Variants in ADCY1 observed in about 807,000 individuals in gnomAD.
ADCY1 encodes adenylate cyclase type 1.
ADCY1 carries 28 observed loss-of-function variants against 105.4 expected under a neutral mutation model. The ratio of observed to expected loss-of-function variants is 0.27; its 90% confidence interval spans 0.20 to 0.36. The LOEUF is 0.36. ADCY1 is among the 10% of genes least tolerant of loss of function. ADCY1 has a pLI of 1.00. For missense variants in ADCY1, 977 were observed against 1,434.2 expected (o/e 0.68, Z 5.15); for synonymous variants, 655 against 623.8 (o/e 1.05, Z -0.75).
chr7:45,685,410 T>G (rs1784645839), intron 12 of ADCY1, among the ~76,000 whole-genome samples: 1 of 129,908 alleles, frequency 7.7e-6, no homozygotes. Context: ...GGGCTTGGAG[T>G]GAAAGGATGG....
At chr7:45,629,932 A>T (rs779414073) in intron 4 of ADCY1, among the ~76,000 whole-genome samples, 4 of 152,184 alleles carry the variant, frequency 2.6e-5, no homozygotes, top group Admixed American at 2.6e-4. Flanking sequence ...TCAGCACTTG[A>T]TGTGGTCAGT....
chr7:45,587,755 A>G (rs1792775223), intron 1 of ADCY1, among the ~76,000 whole-genome samples: 1 of 152,138 alleles, frequency 6.6e-6, no homozygotes, highest in East Asian at 1.9e-4. Flanking sequence ...TGATTTTCTC[A>G]TGGTTAGACT....
intron 17 of ADCY1, among the ~76,000 whole-genome samples, chr7:45,705,216 C>G (rs1232324445): frequency 6.6e-6 from 1 of 152,150 alleles, no homozygotes; most frequent in East Asian, 1.9e-4. Context: ...CTTTCTAACT[C>G]ATTCTGTAGG....
chr7:45,586,303 T>C (rs1041277758), intron 1 of ADCY1, among the ~76,000 whole-genome samples: 3 of 152,138 alleles, frequency 2.0e-5, no homozygotes, highest in African/African-American at 7.2e-5. Context: ...CGGCTGCTTC[T>C]CCAGGTCCCC....
intron 2 of ADCY1, among the ~76,000 whole-genome samples, chr7:45,609,894 A>G (rs1432351371): frequency 2.0e-5 from 3 of 152,146 alleles, no homozygotes; most frequent in Admixed American, 6.5e-5. Flanking sequence ...GCTAAGGGAG[A>G]AGTAAGAAGA....
In ADCY1 at chr7:45,636,424, A is replaced by G. The variant is rs569423266; in HGVS notation, c.1021-12246A>G. ...AGCTGTACATGTTCAGTATAGATGC[A>G]ACCTTGATAGGCCTAACTACATTCT... On this transcript the variant is annotated intron_variant, in intron 4 of 19. Transcript: ENST00000297323. Among the ~76,000 whole-genome samples, 7 of 152,350 alleles carry G rather than the reference A, an allele frequency of 4.6e-5. No individual in the cohort carries two copies. In the South Asian group the frequency reaches 1.4e-3, roughly 32 times the overall value.
At chr7:45,694,952 A>G (rs1315908494) in intron 14 of ADCY1, among the ~76,000 whole-genome samples, 1 of 152,236 alleles carries the variant, frequency 6.6e-6, no homozygotes, top group African/African-American at 2.4e-5. Flanking sequence ...TTTGCTAATC[A>G]GTACTCAACT....
chr7:45,592,715 G>A (rs1336194161), intron 1 of ADCY1, 44 bp from the exon 2 acceptor site: 2 of 1,612,408 alleles, frequency 1.2e-6, no homozygotes, highest in African/African-American at 1.3e-5. Flanking sequence ...CTTTGTGTGT[G>A]TGGGATGTCA....
In ADCY1 at chr7:45,719,469, A is replaced by G. The variant is rs1339964298; in HGVS notation, c.*5474A>G. ...TTCAGTTGCCACACATTTTGGGGCT[A>G]GACTTCCCTAAACAACATGCCATTG... is the stretch of plus-strand genomic sequence containing the variant. On this transcript the variant is annotated 3_prime_UTR_variant, in exon 20 of 20. Coordinates refer to ENST00000297323, the MANE Select transcript of ADCY1 (RefSeq NM_021116.4). 6.6e-6 allele frequency: 1 copy of G among 152,284 alleles called. No individual in the cohort carries two copies. Among genetic ancestry groups the G allele is most frequent in the South Asian group, 2.1e-4 (1 of 4,836 alleles). The allele number at this position is 152,284 out of a possible 1,614,324, so 9.4% of individuals were successfully genotyped here.
In ADCY1 at chr7:45,703,396, C is replaced by T. The variant is rs1186633024; in HGVS notation, c.2475C>T (p.Asp825=). The change falls in exon 15 of 20, where the codon GAC becomes GAT. Residue 825 remains aspartate, a synonymous_variant. Coordinates refer to ENST00000297323, the MANE Select transcript of ADCY1 (RefSeq NM_021116.4). The surrounding 1 kb of genome is among the most constrained non-coding windows in gnomAD (Gnocchi z 5.9). ...CCCAGGCAGAGGAGGAGCGAGAGGA[C>T]ATGGAGAAGGTGAAGCTGGACAACA... is the stretch of plus-strand genomic sequence containing the variant. The part of the protein sequence containing the change: ...WAAQAEEERE[D]MEKVKLDNRR... 1.1e-5 allele frequency: 18 copies of T among 1,614,068 alleles called. No homozygotes were observed. Among genetic ancestry groups the T allele is most frequent in the Non-Finnish European group, 1.4e-5 (17 of 1,179,982 alleles).
intron 7 of ADCY1, 95 bp downstream of exon 7, chr7:45,660,278 A>T: frequency 1.3e-6 from 2 of 1,512,990 alleles, no homozygotes; most frequent in Non-Finnish European, 1.8e-6. Flanking sequence ...CTCTCCAAGC[A>T]CTGCTTCTCT....
chr7:45,686,539 T>A lies in ADCY1; in HGVS notation c.2328-8T>A, dbSNP rs1398330252. 6.2e-7 allele frequency: 1 copy of A among 1,605,184 alleles called. No individual in the cohort carries two copies. Among genetic ancestry groups the A allele is most frequent in the Non-Finnish European group, 8.5e-7 (1 of 1,174,694 alleles). On this transcript the variant is annotated splice_polypyrimidine_tract_variant and splice_region_variant and intron_variant, in intron 13 of 19. Transcript: ENST00000297323. This position sits in a 1 kb window ranked among gnomAD's most constrained non-coding sequence, Gnocchi z 4.3. ...CTGACTTGGCTTTTCTTCCTCATCT[T>A]CCCCCAGGGGTGGTGCCGTCTCCGG...
chr7:45,582,681 G>T (rs1270427534), intron 1 of ADCY1, among the ~76,000 whole-genome samples: 1 of 152,146 alleles, frequency 6.6e-6, no homozygotes, highest in Non-Finnish European at 1.5e-5. Context: ...TCAGCTCCCT[G>T]TGCCCTCTTC....
At chr7:45,706,100 AT>A (rs1785111718) in intron 17 of ADCY1, among the ~76,000 whole-genome samples, 1 of 152,240 alleles carries the variant, frequency 6.6e-6, no homozygotes, top group Admixed American at 6.5e-5. Flanking sequence ...AGGAGTCAGT[AT>A]TGTTAAGATG....
At chr7:45,701,907 C>T (rs546731917) in intron 14 of ADCY1, among the ~76,000 whole-genome samples, 5 of 152,284 alleles carry the variant, frequency 3.3e-5, no homozygotes, top group Admixed American at 2.6e-4. Flanking sequence ...TTCTTTTGTC[C>T]TCATCTGCTT....
intron 8 of ADCY1, among the ~76,000 whole-genome samples, chr7:45,670,983 T>C (rs1784352658): frequency 6.6e-6 from 1 of 152,232 alleles, no homozygotes; most frequent in Non-Finnish European, 1.5e-5. Flanking sequence ...AGATAACCAG[T>C]GACCGGCAGG....
intron 8 of ADCY1, among the ~76,000 whole-genome samples, chr7:45,662,459 C>T (rs1795130998): frequency 6.6e-6 from 1 of 152,184 alleles, no homozygotes. Flanking sequence ...TCCTGTTTAT[C>T]CATAAATTCA....
chr7:45,696,824 G>A (rs1349074223), intron 14 of ADCY1, among the ~76,000 whole-genome samples: 1 of 152,220 alleles, frequency 6.6e-6, no homozygotes, highest in Admixed American at 6.5e-5. Context: ...GGAGTGGGCA[G>A]AAATGTGCAC....
At chr7:45,626,254 G>T (rs1399735561) in intron 4 of ADCY1, among the ~76,000 whole-genome samples, 5 of 152,186 alleles carry the variant, frequency 3.3e-5, no homozygotes, top group Non-Finnish European at 4.4e-5. Flanking sequence ...AGTGGTCCAC[G>T]GCCTCAGCGT....
Sources: gnomAD v4.1 joint callset for allele counts (sites outside exome capture counted in the v4.1 genomes callset) on GRCh38, gnomAD v4.1.1 for gene constraint, Gnocchi (gnomAD v3.1) non-coding constraint, MANE v1.5 for transcripts, NCBI Gene and HGNC (gene_info 2026-07-23, HGNC 2026-07-21) for gene names.